Variants in NLGN1 observed in about 807,000 individuals in gnomAD.
NLGN1 encodes neuroligin 1.
In NLGN1, 12 loss-of-function variants were observed where a neutral mutation model predicts 65.5. The ratio of observed to expected loss-of-function variants is 0.18; its 90% confidence interval spans 0.12 to 0.30. The LOEUF is 0.30. Among genes scored for constraint, NLGN1 ranks in the 10% least tolerant of loss-of-function variants. NLGN1 has a pLI of 1.00. For missense variants in NLGN1, 750 were observed against 1,007.1 expected, an observed-to-expected ratio of 0.74 and a Z score of 3.46; for synonymous variants, 350 against 359.5, an observed-to-expected ratio of 0.97 and a Z score of 0.30.
At chr3:173,801,329 T>C (rs1715419757) in intron 3 of NLGN1, among the ~76,000 whole-genome samples, 2 of 152,026 alleles carry the variant, frequency 1.3e-5, no homozygotes, top group Admixed American at 6.5e-5. Flanking sequence ...TTTATGCTTT[T>C]TGTTTGTTCA....
At chr3:174,240,465 A>G (rs771035578) in intron 4 of NLGN1, among the ~76,000 whole-genome samples, 2 of 152,188 alleles carry the variant, frequency 1.3e-5, no homozygotes, top group Non-Finnish European at 2.9e-5. Context: ...AAAAAGAAAT[A>G]TCTACATTTA....
chr3:174,229,045 T>A (rs1740226040), intron 4 of NLGN1, among the ~76,000 whole-genome samples: 1 of 152,118 alleles, frequency 6.6e-6, no homozygotes, highest in African/African-American at 2.4e-5. Flanking sequence ...CTGGGTTTAA[T>A]TTCCAGCTCT....
rs144519410 is a variant in NLGN1 at position 173,503,082 on chromosome 3, T to TTG, written c.-321+68021_-321+68022dup. 9.5e-3 allele frequency among the ~76,000 whole-genome samples: 1,421 copies of TTG among 149,884 alleles called. 5 individuals carry two copies. Among genetic ancestry groups the TTG allele is most frequent in the Middle Eastern group, 0.028 (8 of 288 alleles). On this transcript the variant is annotated intron_variant, in intron 2 of 6. Coordinates refer to ENST00000457714, the Ensembl canonical transcript of NLGN1. ...CATATAGATGTATGTATATGGCATGTTGTGTGTGTGTGTGTGTGCGTGTGA... is the reference window on the plus strand; with the variant it reads ...CATATAGATGTATGTATATGGCATGTTGTGTGTGTGTGTGTGTGTGCGTGTGA...
intron 2 of NLGN1, among the ~76,000 whole-genome samples, chr3:173,443,262 A>T (rs1719541314): frequency 6.7e-6 from 1 of 149,382 alleles, no homozygotes; most frequent in East Asian, 1.9e-4. Context: ...GAAGTTTTTT[A>T]AAAAAATTGC....
At chr3:173,512,698 T>C (rs1216853348) in intron 2 of NLGN1, among the ~76,000 whole-genome samples, 2 of 152,182 alleles carry the variant, frequency 1.3e-5, no homozygotes, top group African/African-American at 2.4e-5. Context: ...AGTTTCAGGC[T>C]TTTTGGTTCA....
chr3:173,906,241 G>C (rs1001015771), intron 4 of NLGN1, among the ~76,000 whole-genome samples: 7 of 152,094 alleles, frequency 4.6e-5, no homozygotes, highest in African/African-American at 1.4e-4. Flanking sequence ...CCTTTGCACT[G>C]GATCGTATTG....
intron 3 of NLGN1, among the ~76,000 whole-genome samples, chr3:173,774,838 G>A (rs953829903): frequency 3.3e-5 from 5 of 151,760 alleles, no homozygotes; most frequent in African/African-American, 1.2e-4. Context: ...CCCCTCGCAC[G>A]CACATTCTAG....
intron 4 of NLGN1, among the ~76,000 whole-genome samples, chr3:173,864,774 A>G (rs1366460315): frequency 6.6e-6 from 1 of 152,184 alleles, no homozygotes; most frequent in Non-Finnish European, 1.5e-5. Context: ...ACATTGGCAT[A>G]TGCATCTCCT....
At chr3:173,696,476 G>A (rs1766239139) in intron 3 of NLGN1, among the ~76,000 whole-genome samples, 3 of 152,126 alleles carry the variant, frequency 2.0e-5, no homozygotes, top group South Asian at 2.1e-4. Flanking sequence ...TGGCCCTCTT[G>A]TTGAATCAAG....
chr3:173,433,879 A>G (rs947285204), intron 1 of NLGN1, among the ~76,000 whole-genome samples: 12 of 152,200 alleles, frequency 7.9e-5, no homozygotes, highest in Admixed American at 2.6e-4. Flanking sequence ...CAAGTTGCTT[A>G]AATAAAAGTG....
chr3:173,951,674 G>T (rs1346282162), intron 4 of NLGN1, among the ~76,000 whole-genome samples: 1 of 151,814 alleles, frequency 6.6e-6, no homozygotes, highest in Non-Finnish European at 1.5e-5. Context: ...TGTTGGTCAG[G>T]CTGGTCTCGA....
the NLGN1 span, among the ~76,000 whole-genome samples, chr3:174,292,668 C>G: frequency 6.6e-6 from 1 of 151,422 alleles, no homozygotes; most frequent in Non-Finnish European, 1.5e-5. Context: ...AGAATTTACT[C>G]TTTGTAGAAG....
intron 4 of NLGN1, among the ~76,000 whole-genome samples, chr3:173,966,675 G>A (rs894623544): frequency 4.6e-5 from 7 of 152,170 alleles, no homozygotes; most frequent in African/African-American, 1.7e-4. Context: ...TTAATCAGCA[G>A]TATCCACCTT....
At chr3:174,021,577 A>G (rs955264633) in intron 4 of NLGN1, among the ~76,000 whole-genome samples, 1 of 152,144 alleles carries the variant, frequency 6.6e-6, no homozygotes, top group African/African-American at 2.4e-5. Context: ...TCTTGGAAGT[A>G]GTGTAATAGA....
intron 4 of NLGN1, among the ~76,000 whole-genome samples, chr3:173,861,502 C>T (rs1047572471): frequency 1.4e-5 from 2 of 145,796 alleles, no homozygotes; most frequent in African/African-American, 2.6e-5. Context: ...ATTGCCAATT[C>T]CAGTAGCTGG....
chr3:173,647,120 G>A (rs897737839), intron 3 of NLGN1, among the ~76,000 whole-genome samples: 2 of 151,924 alleles, frequency 1.3e-5, no homozygotes, highest in Non-Finnish European at 2.9e-5. Context: ...ATGATAAAGG[G>A]GTTAATCCAT....
At chr3:173,995,928 CT>C (rs1357034811) in intron 4 of NLGN1, among the ~76,000 whole-genome samples, 1 of 152,102 alleles carries the variant, frequency 6.6e-6, no homozygotes, top group Non-Finnish European at 1.5e-5. Flanking sequence ...TTAAGCTATC[CT>C]TCTGCCTCTT....
intron 4 of NLGN1, among the ~76,000 whole-genome samples, chr3:173,872,033 G>GA (rs1420182730): frequency 2.0e-5 from 3 of 152,282 alleles, no homozygotes; most frequent in Admixed American, 2.0e-4. Context: ...GGCCCACCGT[G>GA]AGGGGGGGAG....
intron 4 of NLGN1, among the ~76,000 whole-genome samples, chr3:173,819,478 G>A (rs1719746575): frequency 6.6e-6 from 1 of 152,152 alleles, no homozygotes; most frequent in African/African-American, 2.4e-5. Flanking sequence ...ATTGGTTTCT[G>A]AGGAAGCCTT....
Sources: allele counts gnomAD v4.1 joint callset (sites outside exome capture counted in the v4.1 genomes callset), GRCh38; gene constraint gnomAD v4.1.1; transcripts MANE v1.5; gene names NCBI Gene and HGNC (gene_info 2026-07-23, HGNC 2026-07-21).